The following ARHGEF28 variants were observed in gnomAD, a reference collection of about 807,000 sequenced individuals.
The protein encoded by ARHGEF28 is Rho guanine nucleotide exchange factor 28, also known as 190 kDa guanine nucleotide exchange factor.
ARHGEF28 carries 152 observed loss-of-function variants against 206.6 expected under a neutral mutation model. The observed-to-expected ratio is 0.74, with a 90% CI of 0.64 to 0.84. The LOEUF (loss-of-function observed/expected upper bound fraction) is 0.84. Ranked by LOEUF, ARHGEF28 falls within the 40% of genes least tolerant of loss-of-function variation. The pLI, the probability that ARHGEF28 is intolerant of heterozygous loss-of-function variation, is 0.00. For synonymous variants in ARHGEF28, 763 were observed against 776.4 expected (o/e 0.98, Z 0.29); for missense variants, 2,028 against 2,073.2 (o/e 0.98, Z 0.42).
At position 73,909,637 on chromosome 5, in the gene ARHGEF28, C is replaced by G; in HGVS notation, c.4387C>G (p.Arg1463Gly). 6.5e-7 allele frequency: 1 copy of G among 1,546,628 alleles called. No individual in the cohort carries two copies. Among genetic ancestry groups the G allele is most frequent in the South Asian group, 1.2e-5 (1 of 83,984 alleles). ...GCTGCGCAGGTGTGAGCAGCAGCAG[C>G]GGGCGCAGGCGACCAGGGAGAGCTG... ...RWLRRCEQQQ[R>G]AQATRESWLQ... The change falls in exon 34 of 36, where the codon CGG becomes GGG. Residue 1463 changes from arginine (R) to glycine (G), a missense_variant. By Grantham distance (125) the Arg-to-Gly change is moderately radical (BLOSUM62 -2). Coordinates refer to ENST00000513042, the MANE Select transcript of ARHGEF28 (RefSeq NM_001177693.2).
chr5:73,932,955 C>T (rs186196544), intron 35 of ARHGEF28, among the ~76,000 whole-genome samples: 198 of 151,476 alleles, frequency 1.3e-3, no homozygotes, highest in African/African-American at 4.2e-3. Context: ...ACTACAGGCG[C>T]GCGCCACCAT....
At chr5:73,805,102 C>CT (rs1755362252) in intron 9 of ARHGEF28, among the ~76,000 whole-genome samples, 1 of 152,138 alleles carries the variant, frequency 6.6e-6, no homozygotes, top group African/African-American at 2.4e-5. Context: ...TCAAATACTA[C>CT]TTTATTTGTT....
In ARHGEF28 at chr5:73,710,209, C is replaced by A. The variant is rs560403209; in HGVS notation, c.33+25325C>A. ...TCCTCCAGTTGTCCCACATATTCAC[C>A]AGCATGTTGTATTATCAGTTGTTTT... On this transcript the variant is annotated intron_variant, in intron 2 of 35. Coordinates refer to ENST00000513042, the MANE Select transcript of ARHGEF28 (RefSeq NM_001177693.2). Among the ~76,000 whole-genome samples the A allele has an allele frequency of 2.6e-5, 4 of 152,266 alleles. No individual in the cohort carries two copies. In the South Asian group the frequency reaches 6.2e-4, roughly 24 times the overall value.
intron 7 of ARHGEF28, among the ~76,000 whole-genome samples, chr5:73,783,999 A>G (rs1276047106): frequency 6.6e-6 from 1 of 152,170 alleles, no homozygotes; most frequent in East Asian, 1.9e-4. Context: ...TAGAAACTGT[A>G]TGCATATTCC....
intron 19 of ARHGEF28, 33 bp downstream of exon 19, chr5:73,868,053 C>T: frequency 6.2e-7 from 1 of 1,613,356 alleles, no homozygotes; most frequent in South Asian, 1.1e-5. Context: ...ATATTAATGG[C>T]TCAGAGAGCT....
chr5:73,631,339 A>G (rs1283374987), intron 1 of ARHGEF28, among the ~76,000 whole-genome samples: 2 of 152,112 alleles, frequency 1.3e-5, no homozygotes, highest in South Asian at 2.1e-4. Context: ...TTCTTTTTCA[A>G]CAGTGCTTCT....
intron 11 of ARHGEF28, among the ~76,000 whole-genome samples, chr5:73,842,457 G>T (rs1758046699): frequency 6.6e-6 from 1 of 152,068 alleles, no homozygotes; most frequent in Non-Finnish European, 1.5e-5. Context: ...GGTACCAAGG[G>T]TTATGTGTGA....
At chr5:73,875,080 G>T (rs1267095187) in intron 22 of ARHGEF28, among the ~76,000 whole-genome samples, 1 of 149,308 alleles carries the variant, frequency 6.7e-6, no homozygotes, top group African/African-American at 2.5e-5. Flanking sequence ...TCCAGCACCT[G>T]TTGTTTCCTG....
At chr5:73,857,026 G>A (rs554546253) in intron 14 of ARHGEF28, among the ~76,000 whole-genome samples, 1 of 152,186 alleles carries the variant, frequency 6.6e-6, no homozygotes, top group South Asian at 2.1e-4. Flanking sequence ...TTCATGGGTT[G>A]GGTACAGTTA....
At position 73,909,607 on chromosome 5, in the gene ARHGEF28, C is replaced by T. The variant is rs1370052317; in HGVS notation, c.4357C>T (p.Arg1453Cys). 10 of 1,553,288 alleles carry T rather than the reference C, an allele frequency of 6.4e-6. No individual in the cohort carries two copies. Among genetic ancestry groups the T allele is most frequent in the South Asian group, 1.2e-5 (1 of 84,412 alleles). Residue 1453 changes from arginine (R) to cysteine (C), a missense_variant, in exon 34 of 36, where the codon CGC (arginine) becomes TGC (cysteine). By Grantham distance (180) the Arg-to-Cys change is radical. Coordinates refer to ENST00000513042, the MANE Select transcript of ARHGEF28 (RefSeq NM_001177693.2). ...LQHQLQQEQR[R>C]WLRRCEQQQR... ...GCACCAGCTCCAGCAGGAGCAGCGG[C>T]GCTGGCTGCGCAGGTGTGAGCAGCA...
chr5:73,725,753 A>G (rs1315159122), intron 2 of ARHGEF28, among the ~76,000 whole-genome samples: 3 of 152,144 alleles, frequency 2.0e-5, no homozygotes, highest in Non-Finnish European at 4.4e-5. Flanking sequence ...CACATGCCTG[A>G]TTTGTAAAGC....
chr5:73,687,757 A>C (rs1376416280), intron 2 of ARHGEF28, among the ~76,000 whole-genome samples: 1 of 151,962 alleles, frequency 6.6e-6, no homozygotes, highest in Non-Finnish European at 1.5e-5. Flanking sequence ...GTAAAATATT[A>C]GAAAGAGACC....
chr5:73,749,175 A>G (rs1303250555), intron 2 of ARHGEF28, among the ~76,000 whole-genome samples: 1 of 152,224 alleles, frequency 6.6e-6, no homozygotes, highest in Non-Finnish European at 1.5e-5. Flanking sequence ...AAATGGAAAT[A>G]GCATAGCAAG....
At chr5:73,774,858 A>G (rs977370192) in intron 5 of ARHGEF28, among the ~76,000 whole-genome samples, 2 of 152,266 alleles carry the variant, frequency 1.3e-5, no homozygotes, top group Non-Finnish European at 2.9e-5. Flanking sequence ...CCATTGTTAG[A>G]GTAAATGCTA....
At chr5:73,783,634 T>C (rs1753982351) in intron 7 of ARHGEF28, among the ~76,000 whole-genome samples, 2 of 151,858 alleles carry the variant, frequency 1.3e-5, no homozygotes, top group Non-Finnish European at 2.9e-5. Context: ...TGTGACAAGA[T>C]GGGAGAGTTG....
At chr5:73,853,143 T>C (rs983920454) in intron 14 of ARHGEF28, among the ~76,000 whole-genome samples, 24 of 152,232 alleles carry the variant, frequency 1.6e-4, no homozygotes, top group Non-Finnish European at 2.5e-4. Flanking sequence ...GAATAAACAA[T>C]GCAGAAGACT....
At chr5:73,895,532 G>A (rs1483398952) in intron 29 of ARHGEF28, among the ~76,000 whole-genome samples, 2 of 152,168 alleles carry the variant, frequency 1.3e-5, no homozygotes, top group Non-Finnish European at 2.9e-5. Context: ...GGGAGAGATG[G>A]AGATAATGGT....
intron 4 of ARHGEF28, among the ~76,000 whole-genome samples, chr5:73,770,696 C>G (rs1753175426): frequency 6.6e-6 from 1 of 152,218 alleles, no homozygotes; most frequent in African/African-American, 2.4e-5. Context: ...TTGCCTCGCT[C>G]TGCACTCTGA....
chr5:73,706,978 T>C (rs1440122052), intron 2 of ARHGEF28, among the ~76,000 whole-genome samples: 1 of 152,242 alleles, frequency 6.6e-6, no homozygotes, highest in Non-Finnish European at 1.5e-5. Flanking sequence ...CTAGTAGCCC[T>C]GTCCCTGTAC....
Sources: allele counts gnomAD v4.1 joint callset (sites outside exome capture counted in the v4.1 genomes callset), GRCh38; gene constraint gnomAD v4.1.1; transcripts MANE v1.5; gene names NCBI Gene and HGNC (gene_info 2026-07-23, HGNC 2026-07-21).